The following NDST1 variants were observed in gnomAD, a reference collection of about 807,000 sequenced individuals.
NDST1 encodes bifunctional heparan sulfate N-deacetylase/N-sulfotransferase 1.
A neutral mutation model predicts 92.8 loss-of-function variants in NDST1; 35 were observed. The ratio of observed to expected loss-of-function variants is 0.38; its 90% CI spans 0.29 to 0.50. The LOEUF is 0.50. Among genes scored for constraint, NDST1 ranks in the 20% least tolerant of loss-of-function variants. NDST1 has a pLI of 0.94. For missense variants in NDST1, 822 were observed against 1,182.7 expected, an observed-to-expected ratio of 0.69 and a Z score of 4.47; for synonymous variants, 493 against 500.3, an observed-to-expected ratio of 0.99 and a Z score of 0.19.
chr5:150,528,600 G>A (rs1754577311), intron 3 of NDST1, among the ~76,000 whole-genome samples: 1 of 152,016 alleles, frequency 6.6e-6, no homozygotes, highest in African/African-American at 2.4e-5. Context: ...AGACCAGCCT[G>A]GCCAACACAG....
chr5:150,505,607 G>T (rs113681861), upstream of NDST1, among the ~76,000 whole-genome samples: 2 of 152,084 alleles, frequency 1.3e-5, no homozygotes, highest in Non-Finnish European at 2.9e-5. Context: ...CGTGGTCACT[G>T]ACAACGTGGT....
upstream of NDST1, among the ~76,000 whole-genome samples, chr5:150,507,249 C>T (rs184480154): frequency 2.2e-3 from 340 of 152,210 alleles, no homozygotes; most frequent in African/African-American, 7.8e-3. Flanking sequence ...ATCCTTAAGC[C>T]CCACGTATAA....
chr5:150,539,349 T>G lies in NDST1; in HGVS notation c.1559T>G (p.Leu520Arg). ...NGGELFLTVL[L>R]NPISIFMTHL... ...GGCGAGCTCTTCCTCACCGTGCTCC[T>G]CAATCCTGTGAGTGCTCCACAGCCC... The change falls in exon 7 of 15, where the codon CTC becomes CGC. Residue 520 changes from leucine (L) to arginine (R), a missense_variant. Leu to Arg is a moderately radical substitution (Grantham distance 102). Transcript: ENST00000261797. The G allele has an allele frequency of 6.2e-7, 1 of 1,614,076 alleles. No individual in the cohort carries two copies. Among genetic ancestry groups the G allele is most frequent in the South Asian group, 1.1e-5 (1 of 91,082 alleles).
At position 150,532,974 on chromosome 5, in the gene NDST1, C is replaced by T. The variant is rs200959013; in HGVS notation, c.1038C>T (p.Arg346=). The T allele has an allele frequency of 9.3e-6, 15 of 1,614,228 alleles. No individual in the cohort carries two copies. Among genetic ancestry groups the T allele is most frequent in the Middle Eastern group, 3.3e-4 (2 of 6,062 alleles). ...TGTTTGACACACAGAACGAACTACGCGCACACATCCCAAACTTCACCTTCA... is the reference window on the plus strand; with the variant it reads ...TGTTTGACACACAGAACGAACTACGTGCACACATCCCAAACTTCACCTTCA... ...KALFDTQNEL[R]AHIPNFTFNL... The change falls in exon 4 of 15, where the codon CGC becomes CGT. Residue 346 remains arginine, a synonymous_variant. Coordinates refer to ENST00000261797, the MANE Select transcript of NDST1 (RefSeq NM_001543.5).
At chr5:150,516,968 C>A (rs1753996529) in intron 1 of NDST1, among the ~76,000 whole-genome samples, 1 of 144,654 alleles carries the variant, frequency 6.9e-6, no homozygotes, top group Admixed American at 7.0e-5. Flanking sequence ...ACCATTATGA[C>A]ATTTTCTAGT....
chr5:150,508,418 A>G (rs1753567874), intron 1 of NDST1, among the ~76,000 whole-genome samples, 192 bp downstream of exon 1: 1 of 152,014 alleles, frequency 6.6e-6, no homozygotes, highest in South Asian at 2.1e-4. Flanking sequence ...CCTTCATTCC[A>G]GATCAGAAGC....
Position 150,508,439 on chromosome 5 carries a change from A to T in NDST1, c.-388+213A>T, listed in dbSNP as rs578049744. Among the ~76,000 whole-genome samples, 9 of 152,168 alleles carry T rather than the reference A, an allele frequency of 5.9e-5. No homozygotes were observed. In the South Asian group the frequency reaches 1.9e-3, roughly 32 times the overall value. On this transcript the variant is annotated intron_variant, in intron 1 of 14. Coordinates refer to ENST00000261797, the MANE Select transcript of NDST1 (RefSeq NM_001543.5). ...TTCCAGATCAGAAGCAGCTCCCGGAACTGCCCCAGGGAGAGGTCTAGGCTG... is the reference window on the plus strand; with the variant it reads ...TTCCAGATCAGAAGCAGCTCCCGGATCTGCCCCAGGGAGAGGTCTAGGCTG...
chr5:150,536,622 A>G (rs1248178002), intron 6 of NDST1, among the ~76,000 whole-genome samples: 1 of 151,554 alleles, frequency 6.6e-6, no homozygotes, highest in Non-Finnish European at 1.5e-5. Context: ...CTGGAGTGCA[A>G]TGGCACAATC....
intron 1 of NDST1, among the ~76,000 whole-genome samples, chr5:150,518,080 G>A (rs1754064784): frequency 6.6e-6 from 1 of 152,194 alleles, no homozygotes; most frequent in Non-Finnish European, 1.5e-5. Context: ...GCTCCTTCTT[G>A]CCCTGCTCTC....
upstream of NDST1, among the ~76,000 whole-genome samples, chr5:150,506,808 C>T (rs1753479948): frequency 6.6e-6 from 1 of 152,168 alleles, no homozygotes. Context: ...AGCAAGTCTA[C>T]AGGGACTGGC....
Position 150,553,701 on chromosome 5 carries a change from G to A in NDST1, c.*369G>A. On this transcript the variant is annotated 3_prime_UTR_variant, in exon 15 of 15. Coordinates refer to ENST00000261797, the MANE Select transcript of NDST1 (RefSeq NM_001543.5). The surrounding 1 kb of genome is among the most constrained non-coding windows in gnomAD (Gnocchi z 4.2). Reference sequence around the variant, plus strand: ...CCCTGCTTCCGCAGGGCGCCCCTCAGTATTCGCTGCCATATGTCCCTGTCC... The same window carrying A: ...CCCTGCTTCCGCAGGGCGCCCCTCAATATTCGCTGCCATATGTCCCTGTCC... 1 of 414,366 alleles carries A rather than the reference G, an allele frequency of 2.4e-6. No homozygotes were observed. The highest frequency in any genetic ancestry group is 4.6e-6 in the Non-Finnish European group (1 of 218,530). 25.7% of individuals were successfully genotyped at this position (414,366 alleles called of 1,614,324 possible).
At chr5:150,525,410 G>A (rs893856154) in intron 2 of NDST1, among the ~76,000 whole-genome samples, 10 of 152,178 alleles carry the variant, frequency 6.6e-5, no homozygotes, top group Non-Finnish European at 1.3e-4. Flanking sequence ...CTCAGCAGGC[G>A]ATGGACAAGG....
chr5:150,502,762 G>T (rs146194386), intron 1 of NDST1, among the ~76,000 whole-genome samples: 1 of 152,012 alleles, frequency 6.6e-6, no homozygotes, highest in Non-Finnish European at 1.5e-5. Context: ...TAGCCTTTCT[G>T]CCTGGCATGC....
chr5:150,544,929 C>T (rs1387812851), intron 10 of NDST1, among the ~76,000 whole-genome samples: 1 of 152,156 alleles, frequency 6.6e-6, no homozygotes. Flanking sequence ...CACTCTGAGC[C>T]CCAGCTCGCC....
In NDST1 at chr5:150,521,338, G is replaced by A. The variant is rs1364103490; in HGVS notation, c.84G>A (p.Leu28=). ...AVLFLLFIFC[L]FSVFISAYYL... ...TTTTCCTGCTGTTCATCTTCTGCCT[G>A]TTCAGCGTTTTCATCTCGGCCTACT... The change falls in exon 2 of 15, where the codon CTG becomes CTA. Residue 28 remains leucine, a synonymous_variant. Coordinates refer to ENST00000261797, the MANE Select transcript of NDST1 (RefSeq NM_001543.5). The surrounding 1 kb of genome is among the most constrained non-coding windows in gnomAD (Gnocchi z 5.9). The A allele has an allele frequency of 6.2e-7, 1 of 1,613,510 alleles. No homozygotes were observed. The highest frequency in any genetic ancestry group is 1.1e-5 in the South Asian group (1 of 91,084).
intron 5 of NDST1, 139 bp downstream of exon 5, chr5:150,535,160 C>T (rs1429714277): frequency 3.0e-6 from 4 of 1,350,632 alleles, no homozygotes; most frequent in South Asian, 1.4e-5. Context: ...CAAGGGAGAG[C>T]TGCCTTTATA....
chr5:150,533,050 T>G lies in NDST1; in HGVS notation c.1096+18T>G, dbSNP rs200770330. The G allele has an allele frequency of 1.2e-6, 2 of 1,609,904 alleles. No individual in the cohort carries two copies. Among genetic ancestry groups the G allele is most frequent in the East Asian group, 4.5e-5 (2 of 44,840 alleles). On this transcript the variant is annotated intron_variant, in intron 4 of 14. Transcript: ENST00000261797. ...CCACACAGGTAAGTGGGCCTGCCCC[T>G]GCCCTCACTAGCAACTTCCAGGACT...
chr5:150,507,489 A>G (rs1753512966), upstream of NDST1, among the ~76,000 whole-genome samples: 1 of 151,730 alleles, frequency 6.6e-6, no homozygotes, highest in Non-Finnish European at 1.5e-5. Context: ...TCTTTGTAAG[A>G]CCCTTTTCAG....
chr5:150,530,383 A>G (rs1280028398), intron 3 of NDST1, among the ~76,000 whole-genome samples: 1 of 152,078 alleles, frequency 6.6e-6, no homozygotes, highest in African/African-American at 2.4e-5. Flanking sequence ...GTGTTCTTCC[A>G]GTGGCCCAAG....
Sources: allele counts gnomAD v4.1 joint callset (sites outside exome capture counted in the v4.1 genomes callset), GRCh38; gene constraint gnomAD v4.1.1; non-coding constraint Gnocchi (gnomAD v3.1); transcripts MANE v1.5; gene names NCBI Gene and HGNC (gene_info 2026-07-23, HGNC 2026-07-21).